Variants in CUL3 observed in about 807,000 individuals in gnomAD.
The protein encoded by CUL3 is cullin 3.
Under a neutral mutation model 89.1 loss-of-function variants are expected in CUL3, and 19 were observed. That is an observed-to-expected ratio of 0.21 (90% CI 0.15 to 0.31). CUL3 has a LOEUF of 0.31. Ranked by LOEUF, CUL3 falls within the 10% of genes least tolerant of loss-of-function variation. The probability of loss-of-function intolerance (pLI) is 1.00; values close to 1 mark genes in which losing one functional copy is unlikely to be tolerated. For missense variants in CUL3, 469 were observed against 942.3 expected, an observed-to-expected ratio of 0.50 and a Z score of 6.58; for synonymous variants, 351 against 308.4, an observed-to-expected ratio of 1.14 and a Z score of -1.45.
rs556281570 is a variant in CUL3, at chr2:224,571,759, AAAGT to A, written c.66+13181_66+13184del. On this transcript the variant is annotated intron_variant, in intron 1 of 15. Coordinates refer to ENST00000264414, the MANE Select transcript of CUL3 (RefSeq NM_003590.5). ...TTCATAAAGAAAAATCTAAGACTAA[AAAGT>A]AAGTAATTTTTGCAACATCACACAA... Among the ~76,000 whole-genome samples the A allele has an allele frequency of 6.6e-5, 10 of 152,342 alleles. No homozygotes were observed. In the South Asian group the frequency reaches 1.2e-3, roughly 19 times the overall value.
At chr2:224,487,776 C>T (rs924957272) in intron 13 of CUL3, among the ~76,000 whole-genome samples, 7 of 152,142 alleles carry the variant, frequency 4.6e-5, no homozygotes, top group African/African-American at 1.7e-4. Context: ...CTCTCCATCC[C>T]ACATCAACAG....
At chr2:224,542,111 A>G (rs1263333984) in intron 2 of CUL3, among the ~76,000 whole-genome samples, 2 of 152,220 alleles carry the variant, frequency 1.3e-5, no homozygotes, top group East Asian at 3.8e-4. Context: ...TATCATAAAC[A>G]TAAGCTATGA....
intron 2 of CUL3, among the ~76,000 whole-genome samples, chr2:224,552,923 C>A (rs1326901000): frequency 6.6e-6 from 1 of 152,086 alleles, no homozygotes; most frequent in East Asian, 1.9e-4. Context: ...ATTCTGATAC[C>A]ACAGAACCCT....
chr2:224,491,726 G>A (rs1336278909), intron 13 of CUL3, among the ~76,000 whole-genome samples: 1 of 152,020 alleles, frequency 6.6e-6, no homozygotes, highest in Non-Finnish European at 1.5e-5. Flanking sequence ...TGGCATTAAG[G>A]GCAATCCATT....
At chr2:224,561,580 A>G (rs1694903139) in intron 1 of CUL3, among the ~76,000 whole-genome samples, 1 of 152,230 alleles carries the variant, frequency 6.6e-6, no homozygotes, top group South Asian at 2.1e-4. Context: ...AAGGAACTTT[A>G]ACAGAACAAT....
At position 224,585,232 on chromosome 2, in the gene CUL3, G is replaced by A. The variant is rs1353397154; in HGVS notation, c.-223C>T. 1.8e-5 allele frequency: 7 copies of A among 389,146 alleles called. No individual in the cohort carries two copies. The highest frequency in any genetic ancestry group is 2.7e-5 in the Non-Finnish European group (6 of 222,610). The allele number at this position is 389,146 out of a possible 1,614,324, so 24.1% of individuals were successfully genotyped here. A position where few individuals can be genotyped will look rare whatever the true frequency, so the allele number is the denominator to read the frequency against. Reference sequence around the variant, plus strand: ...TCTGGCGACTCCGATGCGGCTGGGGGGCTGCGCTGGCGCGGCGGCTCCGCG... The same window carrying A: ...TCTGGCGACTCCGATGCGGCTGGGGAGCTGCGCTGGCGCGGCGGCTCCGCG... On this transcript the variant is annotated 5_prime_UTR_variant, in exon 1 of 16. Transcript: ENST00000264414.
intron 1 of CUL3, among the ~76,000 whole-genome samples, chr2:224,572,286 G>T (rs143755149): frequency 6.6e-6 from 1 of 151,974 alleles, no homozygotes; most frequent in Admixed American, 6.6e-5. Context: ...TCTCTGCCAC[G>T]GTTTGAATGC....
rs980283111 is a variant in CUL3 at position 224,471,868 on chromosome 2, A to G, written c.*2377T>C. 4.3e-6 allele frequency: 1 copy of G among 230,546 alleles called. No individual in the cohort carries two copies. 14.3% of individuals were successfully genotyped at this position (230,546 alleles called of 1,614,324 possible). The stretch of plus-strand genomic sequence containing the variant: ...AAAAACTATGTATCCACCCTCCTTA[A>G]AAGTCTTCTAATAAATCACCAAAAT... On this transcript the variant is annotated 3_prime_UTR_variant, in exon 16 of 16. Coordinates refer to ENST00000264414, the MANE Select transcript of CUL3 (RefSeq NM_003590.5).
intron 4 of CUL3, 34 bp from the exon 5 acceptor site, chr2:224,513,672 A>C: frequency 1.5e-6 from 2 of 1,348,010 alleles, no homozygotes; most frequent in Middle Eastern, 2.0e-4. Flanking sequence ...TTGATAATTA[A>C]ATTACATTTA....
intron 6 of CUL3, among the ~76,000 whole-genome samples, chr2:224,510,437 CCTTT>C: frequency 6.6e-6 from 1 of 151,934 alleles, no homozygotes; most frequent in South Asian, 2.1e-4. Context: ...CTTTCGTTTT[CCTTT>C]CTCTTGTATC....
intron 15 of CUL3, among the ~76,000 whole-genome samples, chr2:224,477,845 A>G (rs1450288373): frequency 6.6e-6 from 1 of 152,192 alleles, no homozygotes; most frequent in East Asian, 1.9e-4. Flanking sequence ...TCCCCTCCTT[A>G]GTTTCCCAAT....
chr2:224,552,779 A>G (rs2106295613), intron 2 of CUL3, among the ~76,000 whole-genome samples: 1 of 152,346 alleles, frequency 6.6e-6, no homozygotes. Flanking sequence ...GCTTTAAAAT[A>G]AATAAATATA....
intron 2 of CUL3, among the ~76,000 whole-genome samples, chr2:224,549,814 T>C (rs1694441756): frequency 6.6e-6 from 1 of 152,102 alleles, no homozygotes; most frequent in South Asian, 2.1e-4. Context: ...TATTTCTAAA[T>C]TTAAAACCGT....
intron 14 of CUL3, chr2:224,479,508 T>C (rs1291269894): frequency 6.6e-6 from 1 of 152,180 alleles, no homozygotes; most frequent in African/African-American, 2.4e-5. Context: ...TGTGGAAATC[T>C]TGATGGAATC....
chr2:224,584,040 T>G (rs1252630988), intron 1 of CUL3, among the ~76,000 whole-genome samples: 2 of 152,224 alleles, frequency 1.3e-5, no homozygotes, highest in Non-Finnish European at 2.9e-5. Context: ...CAGTACATTT[T>G]AATTGCTTGC....
chr2:224,549,891 C>T (rs930843312), intron 2 of CUL3, among the ~76,000 whole-genome samples: 7 of 152,078 alleles, frequency 4.6e-5, no homozygotes, highest in South Asian at 4.1e-4. Flanking sequence ...CACACACACA[C>T]GCAAAATGGC....
chr2:224,498,050 T>C (rs571788776), intron 11 of CUL3, among the ~76,000 whole-genome samples: 1 of 152,260 alleles, frequency 6.6e-6, no homozygotes, highest in Admixed American at 6.5e-5. Flanking sequence ...GTAACTCAGC[T>C]AGATATTAAA....
chr2:224,511,324 T>C, intron 6 of CUL3, 30 bp downstream of exon 6: 2 of 1,447,718 alleles, frequency 1.4e-6, no homozygotes, highest in Non-Finnish European at 9.5e-7. Flanking sequence ...AGAGTAAGGA[T>C]TTAATTATTT....
At chr2:224,539,205 C>T (rs1694004136) in intron 2 of CUL3, among the ~76,000 whole-genome samples, 3 of 152,126 alleles carry the variant, frequency 2.0e-5, no homozygotes, top group African/African-American at 4.8e-5. Context: ...GGCAAGTAAG[C>T]ATTTGAGGAG....
Sources: allele counts gnomAD v4.1 joint callset (sites outside exome capture counted in the v4.1 genomes callset), GRCh38; gene constraint gnomAD v4.1.1; transcripts MANE v1.5; gene names NCBI Gene and HGNC (gene_info 2026-07-23, HGNC 2026-07-21).